Variants in NCMAP observed in about 807,000 individuals in gnomAD.
NCMAP encodes noncompact myelin-associated protein.
Under a neutral mutation model 7.8 loss-of-function variants are expected in NCMAP, and 8 were observed. The ratio of observed to expected loss-of-function variants is 1.02; its 90% CI spans 0.60 to 1.84. NCMAP has a LOEUF of 1.84. Ranked by LOEUF, NCMAP falls within the 40% of genes most tolerant of loss-of-function variation. The probability of loss-of-function intolerance (pLI) is 0.00; values close to 1 mark genes in which losing one functional copy is unlikely to be tolerated. For synonymous variants in NCMAP, 41 were observed against 52.9 expected, an observed-to-expected ratio of 0.78 and a Z score of 0.98; for missense variants, 112 against 131.4, an observed-to-expected ratio of 0.85 and a Z score of 0.72.
At chr1:24,575,063 T>G (rs1242693330) in intron 1 of NCMAP, among the ~76,000 whole-genome samples, 4 of 152,010 alleles carry the variant, frequency 2.6e-5, no homozygotes, top group Non-Finnish European at 5.9e-5. Flanking sequence ...GTGCTGGGAT[T>G]ACAAGCATAA....
At chr1:24,582,472 G>T (rs1254856104) in intron 1 of NCMAP, among the ~76,000 whole-genome samples, 4 of 152,134 alleles carry the variant, frequency 2.6e-5, no homozygotes. Context: ...GTCATCGTAA[G>T]GTTCTTTATA....
intron 1 of NCMAP, among the ~76,000 whole-genome samples, chr1:24,580,065 C>T (rs965315535): frequency 2.0e-5 from 3 of 152,106 alleles, no homozygotes; most frequent in South Asian, 2.1e-4. Context: ...CCCAACAAAG[C>T]GCCAGAGCTG....
intron 2 of NCMAP, 53 bp downstream of exon 2, chr1:24,595,565 T>G: frequency 5.6e-6 from 8 of 1,421,110 alleles, no homozygotes; most frequent in Non-Finnish European, 7.9e-6. Flanking sequence ...ACCAGTGTCA[T>G]GGTCATAGTG....
At chr1:24,564,005 G>C (rs1392357817) in intron 1 of NCMAP, 1 of 152,058 alleles carries the variant, frequency 6.6e-6, no homozygotes, top group Non-Finnish European at 1.5e-5. Flanking sequence ...TTAAAAAACT[G>C]CTGCAATGAA....
intron 1 of NCMAP, among the ~76,000 whole-genome samples, chr1:24,587,754 A>G (rs1570530735): frequency 6.6e-6 from 1 of 151,280 alleles, no homozygotes; most frequent in South Asian, 2.1e-4. Flanking sequence ...CTCAAGCAAT[A>G]CACCCACCTC....
At chr1:24,565,862 C>A (rs933932337) in intron 1 of NCMAP, among the ~76,000 whole-genome samples, 3 of 152,062 alleles carry the variant, frequency 2.0e-5, no homozygotes, top group Non-Finnish European at 4.4e-5. Context: ...GAATCATAGT[C>A]CCCTTAATCC....
At chr1:24,599,004 G>A (rs909016098) in intron 2 of NCMAP, among the ~76,000 whole-genome samples, 9 of 151,786 alleles carry the variant, frequency 5.9e-5, no homozygotes, top group Non-Finnish European at 8.8e-5. Context: ...TGGAGGCCGG[G>A]TGTGGTGGCT....
In NCMAP at chr1:24,605,824, A is replaced by G; in HGVS notation, c.*77A>G. 6.5e-7 allele frequency: 1 copy of G among 1,527,990 alleles called. No homozygotes were observed. The highest frequency in any genetic ancestry group is 9.0e-7 in the Non-Finnish European group (1 of 1,113,500). The allele number at this position is 1,527,990 out of a possible 1,614,324, so 94.7% of individuals were successfully genotyped here. ...AAGACCCAGAGGCACACTCTCTGGC[A>G]GCTTCACAATGAGCTTCTTCTGGTC... On this transcript the variant is annotated 3_prime_UTR_variant, in exon 4 of 4. Coordinates refer to ENST00000374392, the MANE Select transcript of NCMAP (RefSeq NM_001010980.5).
chr1:24,578,088 C>A (rs1267514315), intron 1 of NCMAP, among the ~76,000 whole-genome samples: 1 of 151,856 alleles, frequency 6.6e-6, no homozygotes, highest in Non-Finnish European at 1.5e-5. Flanking sequence ...CATAGTGAGA[C>A]CCTGTTTGTA....
intron 2 of NCMAP, among the ~76,000 whole-genome samples, chr1:24,596,891 G>A (rs569243818): frequency 6.6e-4 from 100 of 152,282 alleles, no homozygotes; most frequent in Non-Finnish European, 1.1e-3. Flanking sequence ...ATAAGGAGAC[G>A]CTTGGGTGTG....
At chr1:24,570,110 A>ATT (rs750896180) in intron 1 of NCMAP, among the ~76,000 whole-genome samples, 2,114 of 139,630 alleles carry the variant, frequency 0.015, 26 homozygotes, top group Non-Finnish European at 0.024. Context: ...ACACCTGGAA[A>ATT]TTTTTTTTTT....
intron 1 of NCMAP, among the ~76,000 whole-genome samples, chr1:24,561,782 C>T (rs940716562): frequency 1.1e-4 from 17 of 152,066 alleles, no homozygotes; most frequent in Non-Finnish European, 2.5e-4. Flanking sequence ...TGGTGGTACA[C>T]ACCTGTAATC....
chr1:24,600,537 C>A (rs76930911), intron 2 of NCMAP, among the ~76,000 whole-genome samples: 5,335 of 152,292 alleles, frequency 0.035, 146 homozygotes, highest in Middle Eastern at 0.11. Context: ...CCAGTGAGTT[C>A]TTCAACGACC....
At chr1:24,591,418 C>T (rs1180902125) in intron 1 of NCMAP, among the ~76,000 whole-genome samples, 2 of 152,178 alleles carry the variant, frequency 1.3e-5, no homozygotes, top group East Asian at 1.9e-4. Flanking sequence ...TAGGCGTGCA[C>T]CACCACAAGC....
chr1:24,576,284 G>A lies in NCMAP; in HGVS notation c.-7-19140G>A, dbSNP rs1412147157. Among the ~76,000 whole-genome samples, 2 of 152,182 alleles carry A rather than the reference G, an allele frequency of 1.3e-5. No individual in the cohort carries two copies. Among genetic ancestry groups the A allele is most frequent in the Admixed American group, 6.5e-5 (1 of 15,280 alleles). On this transcript the variant is annotated intron_variant, in intron 1 of 3. Transcript: ENST00000374392. This position sits in a 1 kb window ranked among gnomAD's most constrained non-coding sequence, Gnocchi z 4.0. ...GAGAGGGTGGGAAGAAAAGACAGGCGGCAGGCCAAGACGAGAGTGTAGGTT... is the reference window on the plus strand; with the variant it reads ...GAGAGGGTGGGAAGAAAAGACAGGCAGCAGGCCAAGACGAGAGTGTAGGTT...
intron 1 of NCMAP, among the ~76,000 whole-genome samples, chr1:24,584,833 T>G (rs964212443): frequency 6.6e-6 from 1 of 152,036 alleles, no homozygotes; most frequent in Non-Finnish European, 1.5e-5. Flanking sequence ...ATTTATGTAT[T>G]GTTCTTTGGT....
chr1:24,586,809 T>C (rs1651895575), intron 1 of NCMAP, among the ~76,000 whole-genome samples: 1 of 151,352 alleles, frequency 6.6e-6, no homozygotes, highest in African/African-American at 2.4e-5. Context: ...GGGGCTTTGA[T>C]TGGCCATTAA....
At position 24,576,105 on chromosome 1, in the gene NCMAP, A is replaced by AC. The variant is rs1651551955; in HGVS notation, c.-7-19316dup. On this transcript the variant is annotated intron_variant, in intron 1 of 3. Coordinates refer to ENST00000374392, the MANE Select transcript of NCMAP (RefSeq NM_001010980.5). The surrounding 1 kb of genome is among the most constrained non-coding windows in gnomAD (Gnocchi z 4.0). ...CCCTCCCTCGCTGTCCCCATCCTCC[A>AC]CCCTCACCACTGCCACCCTGCACAG... 6.6e-6 allele frequency among the ~76,000 whole-genome samples: 1 copy of AC among 151,210 alleles called. No individual in the cohort carries two copies. Among genetic ancestry groups the AC allele is most frequent in the Non-Finnish European group, 1.5e-5 (1 of 67,808 alleles).
intron 1 of NCMAP, among the ~76,000 whole-genome samples, chr1:24,574,795 T>C (rs984218362): frequency 6.5e-5 from 7 of 108,258 alleles, no homozygotes; most frequent in African/African-American, 2.5e-4. Context: ...CCCGCAATAC[T>C]TTTTTTTTTT....
Sources: gnomAD v4.1 joint callset for allele counts (sites outside exome capture counted in the v4.1 genomes callset) on GRCh38, gnomAD v4.1.1 for gene constraint, Gnocchi (gnomAD v3.1) non-coding constraint, MANE v1.5 for transcripts, NCBI Gene and HGNC (gene_info 2026-07-23, HGNC 2026-07-21) for gene names.